The following NLRP2 variants were observed in gnomAD, a reference collection of about 807,000 sequenced individuals.
The protein encoded by NLRP2 is NACHT, LRR and PYD domains-containing protein 2.
Under a neutral mutation model 97.2 loss-of-function variants are expected in NLRP2, and 107 were observed. That is an observed-to-expected ratio of 1.10 (90% CI 0.94 to 1.29). The LOEUF (loss-of-function observed/expected upper bound fraction) is 1.29. NLRP2 is among the 50% of genes most tolerant of loss of function. The probability of loss-of-function intolerance (pLI) is 0.00; values close to 1 mark genes in which losing one functional copy is unlikely to be tolerated. For missense variants in NLRP2, 1,495 were observed against 1,330.3 expected (o/e 1.12, Z -1.93); for synonymous variants, 663 against 551.5 (o/e 1.20, Z -2.83).
intron 8 of NLRP2, among the ~76,000 whole-genome samples, chr19:54,989,362 C>T (rs1048238241): frequency 6.6e-6 from 1 of 152,092 alleles, no homozygotes; most frequent in Non-Finnish European, 1.5e-5. Flanking sequence ...ATCCCAGCTA[C>T]TCAGGAGGCT....
In NLRP2 at chr19:54,970,278, C is replaced by T. The variant is rs2070762999; in HGVS notation, c.263C>T (p.Ala88Val). 1 of 1,614,106 alleles carries T rather than the reference C, an allele frequency of 6.2e-7. No homozygotes were observed. Among genetic ancestry groups the T allele is most frequent in the African/African-American group, 1.3e-5 (1 of 75,042 alleles). The change falls in exon 2 of 13, where the codon GCA becomes GTA. Residue 88 changes from alanine to valine, a missense_variant. By Grantham distance (64) the Ala-to-Val change is moderately conservative. Coordinates refer to ENST00000448584, the MANE Select transcript of NLRP2 (RefSeq NM_017852.5). ...CACCGAATGGATCTGTCTGAGAGAG[C>T]AAAGGATGAAGTCAGAGGTGAGTGG... ...KMHRMDLSER[A>V]KDEVREAALK...
chr19:54,973,978 G>C (rs2071035301), intron 2 of NLRP2: 1 of 1,198,850 alleles, frequency 8.3e-7, no homozygotes, highest in African/African-American at 1.5e-5. Flanking sequence ...CGATTTTCCG[G>C]AAAAAGGCTA....
rs368094396 is a variant in NLRP2, at chr19:54,985,083, G to A, written c.2067G>A (p.Thr689=). 24 of 1,613,912 alleles carry A rather than the reference G, an allele frequency of 1.5e-5. No homozygotes were observed. Among genetic ancestry groups the A allele is most frequent in the East Asian group, 2.2e-5 (1 of 44,888 alleles). The change falls in exon 7 of 13, where the codon ACG becomes ACA. Residue 689 remains threonine (T), a synonymous_variant. Transcript: ENST00000448584. ...ATCAGCACATGCTTCCTTTCTGGAC[G>A]GACCTTTGTTCCATATTTGGATCAA... ...QDDQHMLPFW[T]DLCSIFGSNK...
chr19:54,981,508 T>TTCCCCCCCCCCCCCCCCCCCC, intron 4 of NLRP2, 109 bp from the exon 5 acceptor site: 1 of 438,150 alleles, frequency 2.3e-6, no homozygotes, highest in Non-Finnish European at 4.6e-6. Context: ...TCTGATCCCG[T>TTCCCCCCCCCCCCCCCCCCCC]GCCCCCCCTC....
chr19:54,984,485 CTT>C (rs36061621), intron 6 of NLRP2, among the ~76,000 whole-genome samples: 40 of 76,912 alleles, frequency 5.2e-4, no homozygotes, highest in East Asian at 1.2e-3. Flanking sequence ...TATTCCCAAT[CTT>C]TTTTTTTTTT....
intron 10 of NLRP2, among the ~76,000 whole-genome samples, chr19:54,993,063 T>C (rs1190414464): frequency 1.3e-5 from 2 of 151,544 alleles, no homozygotes; most frequent in Non-Finnish European, 2.9e-5. Flanking sequence ...TTACTAAAAA[T>C]ACAAAAATTA....
At chr19:54,970,656 CA>C (rs528494795) in intron 2 of NLRP2, among the ~76,000 whole-genome samples, 83 of 138,926 alleles carry the variant, frequency 6.0e-4, no homozygotes, top group Admixed American at 1.8e-3. Flanking sequence ...AATTCTGTCT[CA>C]AAAAAAAAAA....
At chr19:54,985,677 CAA>C (rs113852885) in intron 7 of NLRP2, among the ~76,000 whole-genome samples, 138 of 67,994 alleles carry the variant, frequency 2.0e-3, no homozygotes, top group African/African-American at 5.1e-3. Flanking sequence ...GACTGCGTCT[CAA>C]AAAAAAAAAA....
Position 54,983,485 on chromosome 19 carries a change from A to T in NLRP2, c.1787A>T (p.His596Leu). The T allele has an allele frequency of 6.2e-7, 1 of 1,614,204 alleles. No individual in the cohort carries two copies. The highest frequency in any genetic ancestry group is 8.5e-7 in the Non-Finnish European group (1 of 1,180,042). ...LRCDISCKGG[H>L]STVTDLQELL... Reference sequence around the variant, plus strand: ...TGCGACATAAGTTGTAAGGGTGGACATTCAACGGTGACAGACCTGCAGGAG... The same window carrying T: ...TGCGACATAAGTTGTAAGGGTGGACTTTCAACGGTGACAGACCTGCAGGAG... The change falls in exon 6 of 13, where the codon CAT (histidine) becomes CTT (leucine). Residue 596 changes from histidine (H) to leucine (L), a missense_variant. Coordinates refer to ENST00000448584, the MANE Select transcript of NLRP2 (RefSeq NM_017852.5).
Position 54,990,572 on chromosome 19 carries a change from C to G in NLRP2, c.2608C>G (p.Leu870Val). The G allele has an allele frequency of 6.2e-7, 1 of 1,614,150 alleles. No individual in the cohort carries two copies. The highest frequency in any genetic ancestry group is 8.5e-7 in the Non-Finnish European group (1 of 1,180,024). The change falls in exon 10 of 13, where the codon CTG becomes GTG. Residue 870 changes from leucine to valine, a missense_variant. Coordinates refer to ENST00000448584, the MANE Select transcript of NLRP2 (RefSeq NM_017852.5). ...TGCTGTGTTGGTTGTCAGCCGGGAG[C>G]TGACACACCTGTGCTTGGCCAAGAA... Reference protein sequence around the residue: ...LAAVLVVSRELTHLCLAKNPI... With the variant: ...LAAVLVVSREVTHLCLAKNPI...
At position 54,970,233 on chromosome 19, in the gene NLRP2, T is replaced by A. The variant is rs751490814; in HGVS notation, c.218T>A (p.Leu73His). The change falls in exon 2 of 13, where the codon CTC (leucine) becomes CAC (histidine). Residue 73 changes from leucine to histidine, a missense_variant. Transcript: ENST00000448584. The part of the protein sequence containing the change: ...CDSYWVEMAS[L>H]QVFEKMHRMD... ...AGCTACTGGGTGGAGATGGCGAGCCTCCAGGTCTTTGAAAAGATGCACCGA... is the reference window on the plus strand; with the variant it reads ...AGCTACTGGGTGGAGATGGCGAGCCACCAGGTCTTTGAAAAGATGCACCGA... 3.1e-6 allele frequency: 5 copies of A among 1,614,014 alleles called. No homozygotes were observed. The highest frequency in any genetic ancestry group is 4.2e-6 in the Non-Finnish European group (5 of 1,180,032).
At chr19:54,989,670 T>G (rs2072326930) in intron 8 of NLRP2, 2 of 394,700 alleles carry the variant, frequency 5.1e-6, no homozygotes, top group Admixed American at 3.7e-5. Flanking sequence ...CAAAGACGAT[T>G]CCACGGTTAG....
chr19:54,969,496 A>AAT (rs1385786737), intron 1 of NLRP2, among the ~76,000 whole-genome samples: 2 of 141,620 alleles, frequency 1.4e-5, no homozygotes, highest in Non-Finnish European at 1.5e-5. Context: ...AAAAAAAAAA[A>AAT]ATACAAAAAG....
At chr19:55,000,184 A>G (rs1041065030) in intron 12 of NLRP2, among the ~76,000 whole-genome samples, 3 of 143,660 alleles carry the variant, frequency 2.1e-5, no homozygotes, top group Non-Finnish European at 4.5e-5. Context: ...GAGGCAGAGG[A>G]TAGGATGGCT....
At position 54,984,485 on chromosome 19, in the gene NLRP2, C is replaced by CTTTTTTTTTTTTTTTT. The variant is rs36061621; in HGVS notation, c.2031-547_2031-546insTTTTTTTTTTTTTTTT. On this transcript the variant is annotated intron_variant, in intron 6 of 12. Transcript: ENST00000448584. ...ATGTATAGATATGTATATTCCCAAT[C>CTTTTTTTTTTTTTTTT]TTTTTTTTTTTTTTTGAGACGGAGT... Among the ~76,000 whole-genome samples, 67 of 76,892 alleles carry CTTTTTTTTTTTTTTTT rather than the reference C, an allele frequency of 8.7e-4. 12 individuals carry two copies. The highest frequency in any genetic ancestry group is 2.2e-3 in the African/African-American group (29 of 13,226). 50.4% of individuals were successfully genotyped at this position (76,892 alleles called of 152,430 possible).
chr19:54,990,700 G>C (rs771562134), intron 10 of NLRP2, 28 bp downstream of exon 10: 1 of 1,612,918 alleles, frequency 6.2e-7, no homozygotes, highest in Non-Finnish European at 8.5e-7. Context: ...GCCTGTGTGC[G>C]TGGGTGTATA....
At chr19:54,973,094 GGCAGGAGGATTGCTTGA>G (rs1267307319) in intron 2 of NLRP2, among the ~76,000 whole-genome samples, 1 of 151,902 alleles carries the variant, frequency 6.6e-6, no homozygotes, top group Non-Finnish European at 1.5e-5. Context: ...GGGAGGCTGA[GGCAGGAGGATTGCTTGA>G]ACCAGAGAGT....
chr19:54,995,899 G>C (rs2072783442), intron 11 of NLRP2, among the ~76,000 whole-genome samples: 1 of 151,934 alleles, frequency 6.6e-6, no homozygotes, highest in African/African-American at 2.4e-5. Flanking sequence ...AAAATCCGCT[G>C]AGCATGGCTG....
chr19:54,976,289 G>A (rs985718415), intron 3 of NLRP2, among the ~76,000 whole-genome samples: 5 of 147,334 alleles, frequency 3.4e-5, no homozygotes, highest in African/African-American at 7.5e-5. Context: ...TCCTGACCTC[G>A]TGATCCACGT....
Sources: gnomAD v4.1 joint callset for allele counts (sites outside exome capture counted in the v4.1 genomes callset) on GRCh38, gnomAD v4.1.1 for gene constraint, MANE v1.5 for transcripts, NCBI Gene and HGNC (gene_info 2026-07-23, HGNC 2026-07-21) for gene names.